The following ITCH variants were observed in gnomAD, a reference collection of about 807,000 sequenced individuals.
The protein encoded by ITCH is E3 ubiquitin-protein ligase Itchy homolog.
ITCH carries 28 observed loss-of-function variants against 126.8 expected under a neutral mutation model. That is an observed-to-expected ratio of 0.22 (90% CI 0.16 to 0.30). The LOEUF (loss-of-function observed/expected upper bound fraction) is 0.30. Among genes scored for constraint, ITCH ranks in the 10% least tolerant of loss-of-function variants. The pLI, the probability that ITCH is intolerant of heterozygous loss-of-function variation, is 1.00. For synonymous variants in ITCH, 342 were observed against 340.0 expected, an observed-to-expected ratio of 1.01 and a Z score of -0.06; for missense variants, 631 against 1,032.4, an observed-to-expected ratio of 0.61 and a Z score of 5.33.
At chr20:34,408,179 G>A (rs1293195968) in intron 3 of ITCH, among the ~76,000 whole-genome samples, 4 of 148,776 alleles carry the variant, frequency 2.7e-5, no homozygotes, top group Non-Finnish European at 4.4e-5. Context: ...GGACTCAAGC[G>A]ATTCTCCTAC....
At chr20:34,456,184 G>GTATA (rs1326551793) in intron 12 of ITCH, among the ~76,000 whole-genome samples, 26 of 47,238 alleles carry the variant, frequency 5.5e-4, no homozygotes, top group Admixed American at 1.1e-3. Context: ...GTGTGTGTGT[G>GTATA]TATATATATA....
At chr20:34,449,855 T>C (rs1984976640) in intron 12 of ITCH, among the ~76,000 whole-genome samples, 1 of 152,128 alleles carries the variant, frequency 6.6e-6, no homozygotes, top group Admixed American at 6.5e-5. Flanking sequence ...GTGATTCAAT[T>C]CATATAACAT....
chr20:34,474,952 C>T (rs1468058817), intron 16 of ITCH, among the ~76,000 whole-genome samples: 2 of 149,346 alleles, frequency 1.3e-5, no homozygotes, highest in East Asian at 4.0e-4. Flanking sequence ...GGTGGCTGGG[C>T]AGAGATGCTC....
chr20:34,384,220 TTGTGA>T (rs2038182043), intron 2 of ITCH: 1 of 149,276 alleles, frequency 6.7e-6, no homozygotes, highest in African/African-American at 2.5e-5. Flanking sequence ...CTGTAACTGG[TTGTGA>T]TCAGTTAGTT....
intron 2 of ITCH, among the ~76,000 whole-genome samples, chr20:34,375,356 T>C (rs1196260902): frequency 6.6e-6 from 1 of 151,666 alleles, no homozygotes; most frequent in Non-Finnish European, 1.5e-5. Context: ...TTTTTTTTTT[T>C]TTAATGGAGG....
chr20:34,398,404 T>G (rs1295629834), intron 3 of ITCH, among the ~76,000 whole-genome samples: 3 of 151,960 alleles, frequency 2.0e-5, no homozygotes, highest in Non-Finnish European at 4.4e-5. Flanking sequence ...AATATTCTTT[T>G]TCTTTTTTTT....
chr20:34,404,452 C>T (rs941787875), intron 3 of ITCH, among the ~76,000 whole-genome samples: 13 of 147,738 alleles, frequency 8.8e-5, no homozygotes, highest in Non-Finnish European at 7.4e-5. Context: ...GGAGTTTCAC[C>T]CTTGTCACCC....
intron 3 of ITCH, among the ~76,000 whole-genome samples, chr20:34,396,800 T>G (rs892706827): frequency 6.6e-6 from 1 of 152,190 alleles, no homozygotes; most frequent in African/African-American, 2.4e-5. Flanking sequence ...CTATTGTAAA[T>G]TAATACCTCT....
chr20:34,465,758 T>G (rs1375356039), intron 14 of ITCH, among the ~76,000 whole-genome samples: 1 of 152,190 alleles, frequency 6.6e-6, no homozygotes, highest in Non-Finnish European at 1.5e-5. Context: ...GTTGACTTTG[T>G]ATGCTGCTAC....
At position 34,438,410 on chromosome 20, in the gene ITCH, T is replaced by C. The variant is rs578037246; in HGVS notation, c.522-64T>C. On this transcript the variant is annotated intron_variant, in intron 7 of 24. Transcript: ENST00000374864. ...GTTTTCATCCTCCTGCTGTTTTTTTTCTTAAATTCAAGGAGTATTCATTAT... is the reference window on the plus strand; with the variant it reads ...GTTTTCATCCTCCTGCTGTTTTTTTCCTTAAATTCAAGGAGTATTCATTAT... 1.9e-5 allele frequency: 30 copies of C among 1,558,672 alleles called. No individual in the cohort carries two copies. In the African/African-American group the frequency reaches 2.7e-4, roughly 14 times the overall value.
At chr20:34,380,482 T>G (rs995981720) in intron 2 of ITCH, among the ~76,000 whole-genome samples, 1 of 152,134 alleles carries the variant, frequency 6.6e-6, no homozygotes, top group Non-Finnish European at 1.5e-5. Flanking sequence ...TTGCTTGGGT[T>G]GTTTGTCTTA....
chr20:34,427,417 C>G (rs1981684091), intron 7 of ITCH, among the ~76,000 whole-genome samples: 1 of 152,094 alleles, frequency 6.6e-6, no homozygotes, highest in Non-Finnish European at 1.5e-5. Context: ...GAGACCTCAT[C>G]TCTACAGAAA....
At chr20:34,406,406 G>A (rs1463015350) in intron 3 of ITCH, among the ~76,000 whole-genome samples, 2 of 152,032 alleles carry the variant, frequency 1.3e-5, no homozygotes, top group African/African-American at 4.8e-5. Context: ...TTGAATGCCA[G>A]CAAAAAGGCA....
chr20:34,428,551 C>T (rs1448379094), intron 7 of ITCH, among the ~76,000 whole-genome samples: 2 of 151,930 alleles, frequency 1.3e-5, no homozygotes, highest in East Asian at 1.9e-4. Context: ...AAGATTTTGT[C>T]GTTAGATGTG....
chr20:34,490,234 T>C (rs1008113213), intron 22 of ITCH, among the ~76,000 whole-genome samples: 1 of 152,228 alleles, frequency 6.6e-6, no homozygotes, highest in African/African-American at 2.4e-5. Context: ...TTTTATCATT[T>C]ATACTTCATT....
intron 3 of ITCH, among the ~76,000 whole-genome samples, chr20:34,407,042 G>C (rs572898158): frequency 6.6e-6 from 1 of 152,038 alleles, no homozygotes; most frequent in Non-Finnish European, 1.5e-5. Flanking sequence ...GGAAATCATG[G>C]GGTGCTTTGC....
chr20:34,413,909 T>G (rs1399948886), intron 6 of ITCH, 30 bp downstream of exon 6: 1 of 1,559,916 alleles, frequency 6.4e-7, no homozygotes, highest in East Asian at 2.2e-5. Context: ...AGGTCTTTAA[T>G]GATTCTTCTT....
At chr20:34,365,122 T>TC (rs1375432644) in intron 1 of ITCH, among the ~76,000 whole-genome samples, 1 of 151,676 alleles carries the variant, frequency 6.6e-6, no homozygotes, top group South Asian at 2.1e-4. Context: ...ATCACCTGAT[T>TC]CCGGGGGGTC....
intron 22 of ITCH, 81 bp from the exon 23 acceptor site, chr20:34,492,420 G>A: frequency 1.0e-6 from 1 of 961,388 alleles, no homozygotes; most frequent in South Asian, 1.4e-5. Context: ...TAAAAGATTT[G>A]AAATCATTAT....
Sources: allele counts gnomAD v4.1 joint callset (sites outside exome capture counted in the v4.1 genomes callset), GRCh38; gene constraint gnomAD v4.1.1; transcripts MANE v1.5; gene names NCBI Gene and HGNC (gene_info 2026-07-23, HGNC 2026-07-21).